Variants in MARCHF1 observed in about 807,000 individuals in gnomAD.
MARCHF1 encodes the protein membrane associated ring-CH-type finger 1.
A neutral mutation model predicts 54.2 loss-of-function variants in MARCHF1; 40 were observed. The observed-to-expected ratio is 0.74, with a 90% CI of 0.57 to 0.96. The LOEUF is 0.96. Among genes scored for constraint, MARCHF1 ranks in the 40% least tolerant of loss-of-function variants. The probability of loss-of-function intolerance (pLI) is 0.00; values close to 1 mark genes in which losing one functional copy is unlikely to be tolerated. For missense variants in MARCHF1, 586 were observed against 656.5 expected, an observed-to-expected ratio of 0.89 and a Z score of 1.17; for synonymous variants, 236 against 236.3, an observed-to-expected ratio of 1.00 and a Z score of 0.01.
chr4:163,944,560 C>T (rs1187510660), intron 3 of MARCHF1, among the ~76,000 whole-genome samples: 1 of 152,164 alleles, frequency 6.6e-6, no homozygotes, highest in Non-Finnish European at 1.5e-5. Context: ...TGGATCTGCA[C>T]TGCATTTCAA....
intron 3 of MARCHF1, among the ~76,000 whole-genome samples, chr4:163,894,589 T>TATATATGC (rs1254554741): frequency 5.3e-4 from 36 of 67,994 alleles, no homozygotes; most frequent in South Asian, 1.7e-3. Context: ...GATGCATATA[T>TATATATGC]ATATATGCAT....
intron 3 of MARCHF1, among the ~76,000 whole-genome samples, chr4:163,861,106 G>A (rs1293776814): frequency 6.6e-6 from 1 of 152,198 alleles, no homozygotes; most frequent in African/African-American, 2.4e-5. Flanking sequence ...TTAGCCCAGA[G>A]AAGGAAGCTC....
chr4:164,071,402 A>G (rs1560890470), intron 2 of MARCHF1, among the ~76,000 whole-genome samples: 1 of 152,090 alleles, frequency 6.6e-6, no homozygotes, highest in African/African-American at 2.4e-5. Flanking sequence ...GTGGAAATTT[A>G]TATTTTATTT....
intron 8 of MARCHF1, among the ~76,000 whole-genome samples, chr4:163,580,130 G>T (rs1740179323): frequency 6.6e-6 from 1 of 151,420 alleles, no homozygotes; most frequent in African/African-American, 2.4e-5. Flanking sequence ...CCAGGCTGCA[G>T]TGCAATGGCA....
intron 2 of MARCHF1, among the ~76,000 whole-genome samples, chr4:164,096,700 A>G (rs1755421105): frequency 6.6e-6 from 1 of 152,168 alleles, no homozygotes; most frequent in South Asian, 2.1e-4. Context: ...TGTAATAGAA[A>G]TTTGTTATTC....
At chr4:164,054,937 T>A (rs13127252) in intron 2 of MARCHF1, among the ~76,000 whole-genome samples, 9,114 of 151,802 alleles carry the variant, frequency 0.06, 306 homozygotes, top group Middle Eastern at 0.14. Flanking sequence ...ATAATAATTT[T>A]AAAAAAAAGA....
intron 1 of MARCHF1, among the ~76,000 whole-genome samples, chr4:164,290,464 C>T (rs534346845): frequency 5.3e-5 from 8 of 151,940 alleles, no homozygotes; most frequent in African/African-American, 1.4e-4. Flanking sequence ...GTTCAAAAAC[C>T]GATGCCCTCC....
At position 164,218,793 on chromosome 4, in the gene MARCHF1, T is replaced by C. The variant is rs142883665; in HGVS notation, c.-322-107131A>G. On this transcript the variant is annotated intron_variant, in intron 1 of 9. Coordinates refer to ENST00000514618, the MANE Select transcript of MARCHF1 (RefSeq NM_001394959.1). ...GCAACACACCAACATGGGACATGTA[T>C]ACATATGTAACAAACCTGCATGTTG... Among the ~76,000 whole-genome samples, 97 of 150,758 alleles carry C rather than the reference T, an allele frequency of 6.4e-4. No homozygotes were observed. In the East Asian group the frequency reaches 0.018, roughly 28 times the overall value.
intron 1 of MARCHF1, among the ~76,000 whole-genome samples, chr4:164,224,255 C>A (rs181793508): frequency 1.4e-5 from 2 of 144,084 alleles, no homozygotes; most frequent in African/African-American, 5.1e-5. Flanking sequence ...TTTTTTTTTG[C>A]GATTTTTAGC....
chr4:163,718,926 A>G (rs182428605), intron 4 of MARCHF1, among the ~76,000 whole-genome samples: 439 of 152,292 alleles, frequency 2.9e-3, no homozygotes, highest in Admixed American at 4.3e-3. Flanking sequence ...TGAGGTGAGG[A>G]CCAGAGCCAA....
chr4:163,788,567 A>G (rs923596249), intron 4 of MARCHF1, among the ~76,000 whole-genome samples: 3 of 151,934 alleles, frequency 2.0e-5, no homozygotes, highest in Non-Finnish European at 2.9e-5. Flanking sequence ...CAGGGATTTT[A>G]TAGACTGTCT....
At chr4:163,773,591 G>T (rs549755758) in intron 4 of MARCHF1, among the ~76,000 whole-genome samples, 1 of 152,228 alleles carries the variant, frequency 6.6e-6, no homozygotes, top group African/African-American at 2.4e-5. Context: ...AGCACAGAGG[G>T]ACAGTTATAT....
chr4:164,064,132 T>C (rs1156962051), intron 2 of MARCHF1, among the ~76,000 whole-genome samples: 1 of 152,252 alleles, frequency 6.6e-6, no homozygotes, highest in Non-Finnish European at 1.5e-5. Flanking sequence ...TATGATTGTC[T>C]TGGCTATTCA....
chr4:164,337,809 T>C (rs534038799), intron 1 of MARCHF1, among the ~76,000 whole-genome samples: 1 of 152,104 alleles, frequency 6.6e-6, no homozygotes, highest in Non-Finnish European at 1.5e-5. Context: ...AACTCAAGCA[T>C]GCCAATGCAT....
intron 3 of MARCHF1, among the ~76,000 whole-genome samples, chr4:163,914,575 T>C (rs1357695520): frequency 2.6e-5 from 4 of 152,132 alleles, no homozygotes; most frequent in Non-Finnish European, 5.9e-5. Context: ...AAGTGATAAA[T>C]ATATCAGATG....
chr4:163,626,535 A>AATACTG (rs1741877125), intron 5 of MARCHF1, among the ~76,000 whole-genome samples: 1 of 152,208 alleles, frequency 6.6e-6, no homozygotes, highest in South Asian at 2.1e-4. Flanking sequence ...TCAGATGGGA[A>AATACTG]ATACTGCTGC....
rs576968581 is a variant in MARCHF1 at position 163,587,207 on chromosome 4, G to A, written c.1011-1278C>T. The stretch of plus-strand genomic sequence containing the variant: ...GACAAGTCTCCCATAACTTTAGCTG[G>A]TGAATTCAAATCTCAGCCCTTTAAT... On this transcript the variant is annotated intron_variant, in intron 7 of 9. Coordinates refer to ENST00000514618, the MANE Select transcript of MARCHF1 (RefSeq NM_001394959.1). Among the ~76,000 whole-genome samples the A allele has an allele frequency of 5.9e-5, 9 of 152,234 alleles. No homozygotes were observed. In the South Asian group the frequency reaches 1.9e-3, roughly 32 times the overall value.
chr4:164,015,948 C>G (rs536728013), intron 2 of MARCHF1, among the ~76,000 whole-genome samples: 1 of 151,980 alleles, frequency 6.6e-6, no homozygotes, highest in East Asian at 1.9e-4. Flanking sequence ...TCCAACAATC[C>G]CACTGCTGGG....
At chr4:163,628,140 A>G (rs1422429026) in intron 5 of MARCHF1, among the ~76,000 whole-genome samples, 3 of 152,202 alleles carry the variant, frequency 2.0e-5, no homozygotes, top group Non-Finnish European at 4.4e-5. Flanking sequence ...GAGAAAATGC[A>G]AAGTGCACAT....
Sources: allele counts gnomAD v4.1 joint callset (sites outside exome capture counted in the v4.1 genomes callset), GRCh38; gene constraint gnomAD v4.1.1; transcripts MANE v1.5; gene names NCBI Gene and HGNC (gene_info 2026-07-23, HGNC 2026-07-21).